RTL4: variants seen among roughly 807,000 people sequenced by gnomAD.
RTL4 encodes the protein retrotransposon Gag-like protein 4.
RTL4 carries 4 observed loss-of-function variants against 5.3 expected under a neutral mutation model. The ratio of observed to expected loss-of-function variants is 0.75; its 90% CI spans 0.37 to 1.72. RTL4 has a LOEUF of 1.72. Among genes scored for constraint, RTL4 ranks in the 40% most tolerant of loss-of-function variants. RTL4 has a pLI of 0.04. For missense variants in RTL4, 260 were observed against 227.1 expected (o/e 1.14, Z -0.93); for synonymous variants, 98 against 87.3 (o/e 1.12, Z -0.68).
At chrX:112,320,939 G>A in the RTL4 span, among the ~76,000 whole-genome samples, 1 of 111,679 alleles carries the variant, frequency 9.0e-6, no homozygotes, top group Non-Finnish European at 1.9e-5. Context: ...AGGGGCATAT[G>A]TGTAGCTCAG....
At chrX:112,100,628 C>T in the RTL4 span, among the ~76,000 whole-genome samples, 3 of 111,735 alleles carry the variant, frequency 2.7e-5, no homozygotes, top group South Asian at 1.1e-3. Flanking sequence ...GCTTATTTTT[C>T]TTCCATGGAA....
chrX:112,397,690 C>T, the RTL4 span, among the ~76,000 whole-genome samples: 2 of 111,669 alleles, frequency 1.8e-5, no homozygotes, highest in African/African-American at 3.3e-5. Context: ...TTACACTTTC[C>T]AGCCTATAGA....
At chrX:112,172,432 C>T in the RTL4 span, among the ~76,000 whole-genome samples, 5 of 111,404 alleles carry the variant, frequency 4.5e-5, no homozygotes, top group African/African-American at 6.5e-5. Context: ...TAGAGAAATG[C>T]GTATGAAAAC....
chrX:112,413,499 C>G, the RTL4 span, among the ~76,000 whole-genome samples: 1 of 111,503 alleles, frequency 9.0e-6, no homozygotes, highest in Admixed American at 9.6e-5. Context: ...GGTACATATA[C>G]AAGTGGAGTA....
the RTL4 span, among the ~76,000 whole-genome samples, chrX:112,089,180 A>G: frequency 9.0e-6 from 1 of 110,804 alleles, no homozygotes; most frequent in South Asian, 3.8e-4. Context: ...TTACATATGT[A>G]TACATGTGCC....
At chrX:112,363,386 G>C in the RTL4 span, among the ~76,000 whole-genome samples, 4 of 111,211 alleles carry the variant, frequency 3.6e-5, no homozygotes, top group Non-Finnish European at 7.6e-5. Context: ...TTTAAATTAA[G>C]GGCAAGAGGG....
At chrX:112,234,084 C>G in the RTL4 span, among the ~76,000 whole-genome samples, 1 of 109,789 alleles carries the variant, frequency 9.1e-6, no homozygotes, top group Non-Finnish European at 1.9e-5. Flanking sequence ...CCCAGCTACT[C>G]GGGAGGCTGA....
chrX:112,088,782 G>GTATC, the RTL4 span, among the ~76,000 whole-genome samples: 3 of 112,196 alleles, frequency 2.7e-5, no homozygotes, highest in African/African-American at 6.5e-5. Context: ...TCTCATTGCG[G>GTATC]ATTTGGTTTG....
chrX:112,088,753 T>C, the RTL4 span, among the ~76,000 whole-genome samples: 1 of 112,647 alleles, frequency 8.9e-6, no homozygotes, highest in East Asian at 2.8e-4. Flanking sequence ...ACAGCCATCC[T>C]AGCATGTGTG....
exon 1 of RTL4, chrX:112,454,677 T>C: frequency 9.3e-7 from 1 of 1,079,009 alleles, no homozygotes; most frequent in Non-Finnish European, 1.2e-6. Flanking sequence ...TCCATTGGTT[T>C]CCAGTACTAG....
chrX:112,384,460 A>T, the RTL4 span, among the ~76,000 whole-genome samples: 1 of 112,050 alleles, frequency 8.9e-6, no homozygotes, highest in Non-Finnish European at 1.9e-5. Context: ...TTCATTAAAT[A>T]GGGAATCCTC....
At chrX:112,145,536 C>T in the RTL4 span, among the ~76,000 whole-genome samples, 1 of 111,899 alleles carries the variant, frequency 8.9e-6, no homozygotes. Flanking sequence ...TGTGCAGGCA[C>T]TGTTTTAGGT....
At chrX:112,411,232 G>A in the RTL4 span, among the ~76,000 whole-genome samples, 1 of 111,392 alleles carries the variant, frequency 9.0e-6, no homozygotes, top group Non-Finnish European at 1.9e-5. Flanking sequence ...CTAGCAAACA[G>A]AAGCCAGGGA....
chrX:112,406,951 TTA>T, the RTL4 span, among the ~76,000 whole-genome samples: 41 of 109,546 alleles, frequency 3.7e-4, 1 homozygote, highest in South Asian at 0.016. Flanking sequence ...CTGGCAGACT[TTA>T]TTACCTGCTA....
chrX:112,445,888 G>A, the RTL4 span, among the ~76,000 whole-genome samples: 1 of 112,295 alleles, frequency 8.9e-6, no homozygotes, highest in African/African-American at 3.2e-5. Context: ...GCTTGTGAAG[G>A]TTAACTTGCC....
the RTL4 span, among the ~76,000 whole-genome samples, chrX:112,297,980 T>C: frequency 2.7e-5 from 3 of 111,579 alleles, no homozygotes; most frequent in African/African-American, 9.8e-5. Flanking sequence ...ACAAAGTGCA[T>C]GAAACTGAAT....
chrX:112,206,008 TGAC>T, the RTL4 span, among the ~76,000 whole-genome samples: 1 of 112,197 alleles, frequency 8.9e-6, no homozygotes, highest in Non-Finnish European at 1.9e-5. Flanking sequence ...CAGTTAATAT[TGAC>T]TTTTCCCTGT....
At chrX:112,106,352 T>C in the RTL4 span, among the ~76,000 whole-genome samples, 1 of 112,124 alleles carries the variant, frequency 8.9e-6, no homozygotes, top group Non-Finnish European at 1.9e-5. Context: ...GCTGGCCTCA[T>C]AAAGTGAGTT....
At chrX:112,261,620 A>G in the RTL4 span, among the ~76,000 whole-genome samples, 2 of 111,738 alleles carry the variant, frequency 1.8e-5, no homozygotes, top group African/African-American at 6.5e-5. Flanking sequence ...ATACTGCCCA[A>G]GGTAATTTAT....
Sources: allele counts gnomAD v4.1 joint callset (sites outside exome capture counted in the v4.1 genomes callset), GRCh38; gene constraint gnomAD v4.1.1; transcripts MANE v1.5; gene names NCBI Gene and HGNC (gene_info 2026-07-23, HGNC 2026-07-21).